PDE11A: variants seen among roughly 807,000 people sequenced by gnomAD.
PDE11A encodes phosphodiesterase 11A.
A neutral mutation model predicts 100.5 loss-of-function variants in PDE11A; 100 were observed. The observed-to-expected ratio is 1.00, with a 90% CI of 0.85 to 1.18. The LOEUF (loss-of-function observed/expected upper bound fraction) is 1.18. PDE11A is among the 50% of genes most tolerant of loss of function. The probability of loss-of-function intolerance (pLI) is 0.00; values close to 1 mark genes in which losing one functional copy is unlikely to be tolerated. For synonymous variants in PDE11A, 381 were observed against 420.8 expected (o/e 0.91, Z 1.16); for missense variants, 1,141 against 1,152.6 (o/e 0.99, Z 0.15).
At chr2:178,102,227 A>G (rs2087567864) in intron 2 of PDE11A, among the ~76,000 whole-genome samples, 1 of 151,942 alleles carries the variant, frequency 6.6e-6, no homozygotes, top group South Asian at 2.1e-4. Context: ...CCTGGGTTCA[A>G]GCGATTCTCC....
intron 5 of PDE11A, among the ~76,000 whole-genome samples, chr2:177,866,252 C>G (rs1213590774): frequency 1.3e-5 from 2 of 152,154 alleles, no homozygotes; most frequent in African/African-American, 2.4e-5. Context: ...GTCCAAGCCT[C>G]CCCTGGAGCT....
chr2:177,849,953 T>C lies in PDE11A; in HGVS notation c.1368-9570A>G, dbSNP rs1030919306. 5.9e-5 allele frequency among the ~76,000 whole-genome samples: 9 copies of C among 152,148 alleles called. No homozygotes were observed. The South Asian group carries it at 1.2e-3, about 21-fold the overall frequency. ...AGAATCAATATTGTGAAAATGGCCATACTGCCCAAGGTAATTTATAGATTC... is the reference window on the plus strand; with the variant it reads ...AGAATCAATATTGTGAAAATGGCCACACTGCCCAAGGTAATTTATAGATTC... On this transcript the variant is annotated intron_variant, in intron 5 of 19. Transcript: ENST00000286063.
chr2:177,660,886 CAAA>C (rs1193718926), intron 19 of PDE11A, among the ~76,000 whole-genome samples: 3 of 152,198 alleles, frequency 2.0e-5, no homozygotes, highest in African/African-American at 7.2e-5. Flanking sequence ...AAAGCTGTAC[CAAA>C]ACCATATGCA....
intron 1 of PDE11A, among the ~76,000 whole-genome samples, chr2:178,061,870 C>A (rs2086973833): frequency 6.6e-6 from 1 of 152,106 alleles, no homozygotes; most frequent in South Asian, 2.1e-4. Flanking sequence ...TCAACAGAAA[C>A]CCAAAGTCTT....
chr2:178,040,151 A>C (rs1816520), intron 1 of PDE11A, among the ~76,000 whole-genome samples: 76,503 of 146,814 alleles, frequency 0.52, 20,071 homozygotes, highest in East Asian at 0.72. Context: ...TGCAACCTCC[A>C]CCTTCTGGAT....
At chr2:177,983,943 G>A (rs995779501) in intron 2 of PDE11A, among the ~76,000 whole-genome samples, 1 of 152,156 alleles carries the variant, frequency 6.6e-6, no homozygotes, top group East Asian at 1.9e-4. Context: ...TATCAGAAGT[G>A]CATGACAAAA....
At chr2:177,880,128 C>T (rs1276898739) in intron 4 of PDE11A, among the ~76,000 whole-genome samples, 3 of 152,198 alleles carry the variant, frequency 2.0e-5, no homozygotes, top group Non-Finnish European at 2.9e-5. Flanking sequence ...TAGGAAAGAA[C>T]TGAACCTTCC....
At chr2:178,096,264 C>T (rs754590626) in intron 2 of PDE11A, among the ~76,000 whole-genome samples, 157 of 150,780 alleles carry the variant, frequency 1.0e-3, no homozygotes, top group Non-Finnish European at 1.1e-3. Context: ...CCTGGGTTCA[C>T]GCCATTCTCC....
intron 2 of PDE11A, among the ~76,000 whole-genome samples, chr2:177,960,128 C>T (rs181819300): frequency 9.2e-5 from 14 of 151,950 alleles, no homozygotes; most frequent in Non-Finnish European, 1.8e-4. Flanking sequence ...GAAATTTCCC[C>T]GTCGCTTAAA....
At chr2:177,883,798 T>A (rs1217057775) in intron 4 of PDE11A, among the ~76,000 whole-genome samples, 2 of 152,102 alleles carry the variant, frequency 1.3e-5, no homozygotes, top group African/African-American at 4.8e-5. Flanking sequence ...TTAATACTCC[T>A]AGGTCTGAGG....
intron 19 of PDE11A, among the ~76,000 whole-genome samples, chr2:177,641,671 A>G (rs2080145629): frequency 6.6e-6 from 1 of 152,252 alleles, no homozygotes; most frequent in African/African-American, 2.4e-5. Flanking sequence ...GAAGGCTTCC[A>G]GCAGTTTTTA....
chr2:177,777,315 A>G (rs1481956945), intron 9 of PDE11A, among the ~76,000 whole-genome samples: 1 of 152,192 alleles, frequency 6.6e-6, no homozygotes, highest in African/African-American at 2.4e-5. Context: ...CATTAACCTA[A>G]GACCTGTCAC....
intron 18 of PDE11A, among the ~76,000 whole-genome samples, chr2:177,668,459 A>G (rs1465059444): frequency 6.6e-6 from 1 of 152,198 alleles, no homozygotes; most frequent in Non-Finnish European, 1.5e-5. Context: ...TGTTTTGAGA[A>G]ACTAAGTCAA....
chr2:177,900,601 C>G (rs754329305), intron 3 of PDE11A, among the ~76,000 whole-genome samples: 2 of 151,842 alleles, frequency 1.3e-5, no homozygotes, highest in African/African-American at 2.4e-5. Flanking sequence ...ACTAAAAATA[C>G]AAAAAAATTA....
chr2:178,107,744 C>G (rs1161132320), intron 1 of PDE11A, among the ~76,000 whole-genome samples: 1 of 121,388 alleles, frequency 8.2e-6, no homozygotes, highest in African/African-American at 3.2e-5. Context: ...TTTTTTGAGA[C>G]GGAGTCTCAC....
At chr2:177,675,571 A>T in intron 16 of PDE11A, 53 bp from the exon 17 acceptor site, 1 of 1,307,734 alleles carries the variant, frequency 7.6e-7, no homozygotes. Flanking sequence ...TTGCATTCCT[A>T]AACAAACCCG....
At chr2:177,989,504 G>A (rs974733290) in intron 2 of PDE11A, among the ~76,000 whole-genome samples, 1 of 152,204 alleles carries the variant, frequency 6.6e-6, no homozygotes, top group Non-Finnish European at 1.5e-5. Context: ...CATTGACACA[G>A]TGGGGAAATG....
chr2:177,921,459 C>T (rs2085043944), intron 2 of PDE11A, among the ~76,000 whole-genome samples: 1 of 147,398 alleles, frequency 6.8e-6, no homozygotes, highest in African/African-American at 2.5e-5. Context: ...TTGCATAATT[C>T]TCATCTAAAA....
At chr2:177,836,638 A>G (rs1367238036) in intron 6 of PDE11A, among the ~76,000 whole-genome samples, 3 of 152,194 alleles carry the variant, frequency 2.0e-5, no homozygotes, top group African/African-American at 4.8e-5. Flanking sequence ...GCTCTTTGCA[A>G]TAAATCTTGC....
Sources: gnomAD v4.1 joint callset for allele counts (sites outside exome capture counted in the v4.1 genomes callset) on GRCh38, gnomAD v4.1.1 for gene constraint, MANE v1.5 for transcripts, NCBI Gene and HGNC (gene_info 2026-07-23, HGNC 2026-07-21) for gene names.